PKHD1: variants seen among roughly 807,000 people sequenced by gnomAD.
PKHD1 encodes PKHD1 ciliary IPT domain containing fibrocystin/polyductin.
In PKHD1, 291 loss-of-function variants were observed where a neutral mutation model predicts 412.0. The ratio of observed to expected loss-of-function variants is 0.71; its 90% CI spans 0.64 to 0.78. The LOEUF is 0.78. Among genes scored for constraint, PKHD1 ranks in the 30% least tolerant of loss-of-function variants. The pLI, the probability that PKHD1 is intolerant of heterozygous loss-of-function variation, is 0.00. For synonymous variants in PKHD1, 1,777 were observed against 1,821.5 expected (o/e 0.98, Z 0.62); for missense variants, 4,825 against 4,950.7 (o/e 0.97, Z 0.76).
intron 53 of PKHD1, among the ~76,000 whole-genome samples, chr6:51,787,204 C>T (rs918163334): frequency 2.0e-5 from 3 of 152,100 alleles, no homozygotes; most frequent in East Asian, 3.9e-4. Context: ...AATAAAACTA[C>T]AAAAATTAGC....
chr6:51,628,317 C>T (rs976325511), intron 65 of PKHD1, among the ~76,000 whole-genome samples: 3 of 152,076 alleles, frequency 2.0e-5, no homozygotes, highest in Non-Finnish European at 2.9e-5. Context: ...TTATAAGTGA[C>T]AACATGCAGT....
At chr6:51,998,168 C>T (rs761840564) in intron 35 of PKHD1, among the ~76,000 whole-genome samples, 1 of 152,102 alleles carries the variant, frequency 6.6e-6, no homozygotes, top group East Asian at 1.9e-4. Flanking sequence ...GAACAACTGT[C>T]CCCCATATGT....
At chr6:52,062,785 A>C in intron 13 of PKHD1, 125 bp from the exon 14 acceptor site, 1 of 1,085,644 alleles carries the variant, frequency 9.2e-7, no homozygotes, top group Non-Finnish European at 1.4e-6. Context: ...GTCAACCTAG[A>C]GCCAGATAGA....
At chr6:51,905,445 T>C (rs1781932361) in intron 41 of PKHD1, among the ~76,000 whole-genome samples, 1 of 152,152 alleles carries the variant, frequency 6.6e-6, no homozygotes, top group Non-Finnish European at 1.5e-5. Context: ...GGAGAGAGAA[T>C]GTTGCAAGAG....
At position 52,028,218 on chromosome 6, in the gene PKHD1, T is replaced by C. The variant is rs765493374; in HGVS notation, c.3498A>G (p.Pro1166=). The C allele has an allele frequency of 1.9e-6, 3 of 1,614,154 alleles. No individual in the cohort carries two copies. Among genetic ancestry groups the C allele is most frequent in the Non-Finnish European group, 2.5e-6 (3 of 1,180,016 alleles). ...SAWGLEVALP[P]LPAGLHRISV... ...AAATTCTGTGGAGACCAGCTGGCAG[T>C]GGGGGCAGTGCCACCTCCAGGCCCC... The change falls in exon 30 of 67, where the codon CCA becomes CCG. Residue 1166 remains proline (P), a synonymous_variant. Coordinates refer to ENST00000371117, the MANE Select transcript of PKHD1 (RefSeq NM_138694.4).
chr6:51,770,577 TTC>T (rs1306520593), intron 55 of PKHD1, among the ~76,000 whole-genome samples: 2 of 152,040 alleles, frequency 1.3e-5, no homozygotes, highest in African/African-American at 4.8e-5. Context: ...ACTTTCTTAT[TTC>T]TGTTTGTTTT....
At chr6:51,822,746 C>G (rs1049386927) in intron 52 of PKHD1, among the ~76,000 whole-genome samples, 1 of 152,174 alleles carries the variant, frequency 6.6e-6, no homozygotes, top group African/African-American at 2.4e-5. Flanking sequence ...GCTAAACCTA[C>G]TCCTTTACAT....
At position 51,659,935 on chromosome 6, in the gene PKHD1, T is replaced by C. The variant is rs1431172923; in HGVS notation, c.10191A>G (p.Gln3397=). 6.2e-7 allele frequency: 1 copy of C among 1,611,664 alleles called. No individual in the cohort carries two copies. Among genetic ancestry groups the C allele is most frequent in the Non-Finnish European group, 8.5e-7 (1 of 1,178,224 alleles). ...TFREEQKCTY[Q]FLMQGFICKQ... Reference sequence around the variant, plus strand: ...TGCAGATGAATCCTTGCATCAGAAATTGGTATGTACATTTCTGTTCTTCTC... The same window carrying C: ...TGCAGATGAATCCTTGCATCAGAAACTGGTATGTACATTTCTGTTCTTCTC... Residue 3397 remains glutamine (Q), a synonymous_variant, in exon 61 of 67, where the codon CAA becomes CAG. Transcript: ENST00000371117.
In PKHD1 at chr6:51,659,082, A is replaced by G. The variant is rs1772372149; in HGVS notation, c.11044T>C (p.Ser3682Pro). The G allele has an allele frequency of 6.2e-7, 1 of 1,613,692 alleles. No individual in the cohort carries two copies. The highest frequency in any genetic ancestry group is 1.7e-5 in the Admixed American group (1 of 59,914). Residue 3682 changes from serine to proline, a missense_variant, in exon 61 of 67, where the codon TCA becomes CCA. Transcript: ENST00000371117. Reference protein sequence around the residue: ...VRSTGMISSLSSNKLQNLAHR... With the variant: ...VRSTGMISSLPSNKLQNLAHR... ...GCCAAATTCTGTAATTTGTTACTTG[A>G]TAAGGATGAAATCATTCCAGTGCTC... is the stretch of plus-strand genomic sequence containing the variant.
intron 50 of PKHD1, 76 bp downstream of exon 50, chr6:51,847,699 A>T: frequency 9.3e-7 from 1 of 1,079,812 alleles, no homozygotes; most frequent in Non-Finnish European, 1.4e-6. Flanking sequence ...TTCACAGCAC[A>T]AATGTCTGGA....
intron 66 of PKHD1, chr6:51,622,539 T>C (rs1766755775): frequency 6.6e-6 from 1 of 152,226 alleles, no homozygotes; most frequent in African/African-American, 2.4e-5. Context: ...TATCAGGGAA[T>C]GTATATGCCA....
intron 43 of PKHD1, among the ~76,000 whole-genome samples, chr6:51,899,453 A>G (rs1275786048): frequency 6.6e-6 from 1 of 152,190 alleles, no homozygotes; most frequent in Non-Finnish European, 1.5e-5. Context: ...AAGGCCTTTG[A>G]CAAAATTCAA....
rs1808845303 is a variant in PKHD1 at position 52,062,584 on chromosome 6, C to T, written c.1053G>A (p.Arg351=). 2 of 1,614,178 alleles carry T rather than the reference C, an allele frequency of 1.2e-6. No homozygotes were observed. Among genetic ancestry groups the T allele is most frequent in the East Asian group, 4.5e-5 (2 of 44,880 alleles). Reference sequence around the variant, plus strand: ...AACTGGCATTAGGGACAATCTGCCACCTGTACCCTGGGGTGGCTTCAGTCA... The same window carrying T: ...AACTGGCATTAGGGACAATCTGCCATCTGTACCCTGGGGTGGCTTCAGTCA... ...LELTEATPGY[R]WQIVPNASSP... The change falls in exon 14 of 67, where the codon AGG becomes AGA. Residue 351 remains arginine (R), a synonymous_variant. Coordinates refer to ENST00000371117, the MANE Select transcript of PKHD1 (RefSeq NM_138694.4).
chr6:51,744,246 G>T lies in PKHD1; in HGVS notation c.10156+139C>A. The T allele has an allele frequency of 3.8e-6, 3 of 779,456 alleles. No individual in the cohort carries two copies. The South Asian group carries it at 4.2e-5, about 11-fold the overall frequency. The allele number at this position is 779,456 out of a possible 1,614,324, so 48.3% of individuals were successfully genotyped here. ...AGCATTCCTGTAATACAGGTGAATT[G>T]GCAGCAGATTAGCACAGACTCCAAC... is the stretch of plus-strand genomic sequence containing the variant. On this transcript the variant is annotated intron_variant, in intron 60 of 66. Transcript: ENST00000371117.
chr6:51,641,055 G>C (rs1769281041), intron 63 of PKHD1, among the ~76,000 whole-genome samples: 1 of 152,120 alleles, frequency 6.6e-6, no homozygotes, highest in African/African-American at 2.4e-5. Context: ...AAATGCTTTT[G>C]GTGCATTCTT....
rs1355566562 is a variant in PKHD1 at position 51,911,944 on chromosome 6, G to T, written c.6345C>A (p.Asn2115Lys). ...CTCCAGCCACCCAATTCTCTGTAAA[G>T]TTGTGAGAATATCTGGAGAAAAAAA... ...YLKSPLRYSH[N>K]FTENWVAGEH... Residue 2115 changes from asparagine (N) to lysine (K), a missense_variant, in exon 39 of 67, where the codon AAC becomes AAA. Asn to Lys is a moderately conservative substitution (Grantham distance 94). Transcript: ENST00000371117. 6.2e-7 allele frequency: 1 copy of T among 1,610,586 alleles called. No homozygotes were observed. The highest frequency in any genetic ancestry group is 8.5e-7 in the Non-Finnish European group (1 of 1,178,150).
At position 51,716,371 on chromosome 6, in the gene PKHD1, C is replaced by A. The variant is rs141040783; in HGVS notation, c.10156+28014G>T. Among the ~76,000 whole-genome samples the A allele has an allele frequency of 3.3e-4, 51 of 152,272 alleles. 1 individual carries two copies. The highest frequency in any genetic ancestry group is 6.0e-4 in the Non-Finnish European group (41 of 68,014). ...CAATTATCTGAAAATATTACAAAAG[C>A]ATTATCAACTTTAAAAAGCTTTCAA... On this transcript the variant is annotated intron_variant, in intron 60 of 66. Coordinates refer to ENST00000371117, the MANE Select transcript of PKHD1 (RefSeq NM_138694.4).
At chr6:51,785,617 C>T (rs1482506959) in intron 53 of PKHD1, among the ~76,000 whole-genome samples, 1 of 152,174 alleles carries the variant, frequency 6.6e-6, no homozygotes, top group African/African-American at 2.4e-5. Context: ...TCTCATATTA[C>T]TGACTACTTC....
Position 51,836,435 on chromosome 6 carries a change from C to G in PKHD1, c.8142G>C (p.Arg2714=), listed in dbSNP as rs1183148076. ...TAGTTGGGGGCATACCTTCCTTCACCCGGAGAATGACTTGAACTTGGCCTT... is the reference window on the plus strand; with the variant it reads ...TAGTTGGGGGCATACCTTCCTTCACGCGGAGAATGACTTGAACTTGGCCTT... ...SGEGQVQVIL[R]VKEGMPPTIS... Residue 2714 remains arginine, a synonymous_variant, in exon 51 of 67, where the codon CGG becomes CGC. Transcript: ENST00000371117. 6.2e-7 allele frequency: 1 copy of G among 1,613,182 alleles called. No individual in the cohort carries two copies. Among genetic ancestry groups the G allele is most frequent in the East Asian group, 2.2e-5 (1 of 44,872 alleles).
Sources: gnomAD v4.1 joint callset for allele counts (sites outside exome capture counted in the v4.1 genomes callset) on GRCh38, gnomAD v4.1.1 for gene constraint, MANE v1.5 for transcripts, NCBI Gene and HGNC (gene_info 2026-07-23, HGNC 2026-07-21) for gene names.